MAP3K20: variants seen among roughly 807,000 people sequenced by gnomAD.
The protein encoded by MAP3K20 is mitogen-activated protein kinase kinase kinase 20.
Under a neutral mutation model 85.7 loss-of-function variants are expected in MAP3K20, and 40 were observed. The observed-to-expected ratio is 0.47, with a 90% CI of 0.36 to 0.61. MAP3K20 has a LOEUF of 0.61. Ranked by LOEUF, MAP3K20 falls within the 20% of genes least tolerant of loss-of-function variation. The pLI is 0.00. For synonymous variants in MAP3K20, 325 were observed against 327.7 expected, an observed-to-expected ratio of 0.99 and a Z score of 0.09; for missense variants, 817 against 961.7, an observed-to-expected ratio of 0.85 and a Z score of 1.99.
chr2:173,139,963 G>T (rs192951429), intron 2 of MAP3K20, among the ~76,000 whole-genome samples: 25 of 152,100 alleles, frequency 1.6e-4, no homozygotes, highest in African/African-American at 6.0e-4. Flanking sequence ...AGTATGCAAA[G>T]TAAAAAAGCA....
intron 2 of MAP3K20, among the ~76,000 whole-genome samples, chr2:173,156,536 G>T (rs1689477026): frequency 6.6e-6 from 1 of 152,120 alleles, no homozygotes. Context: ...ATGGTTTCAG[G>T]ATAAAACTGT....
At position 173,090,980 on chromosome 2, in the gene MAP3K20, T is replaced by TTTTC; in HGVS notation, c.-34-8_-34-5dup. ...AATATATTTGTAATTCAGCTTTTCT[T>TTTTC]TTTCTTTCTTTCTGCAGATTTTGTG... On this transcript the variant is annotated splice_polypyrimidine_tract_variant and intron_variant, in intron 1 of 19. Transcript: ENST00000375213. 1 of 1,561,694 alleles carries TTTTC rather than the reference T, an allele frequency of 6.4e-7. No homozygotes were observed. Among genetic ancestry groups the TTTTC allele is most frequent in the Non-Finnish European group, 8.7e-7 (1 of 1,155,798 alleles).
intron 2 of MAP3K20, among the ~76,000 whole-genome samples, chr2:173,155,118 G>C (rs1157287228): frequency 6.6e-6 from 1 of 152,130 alleles, no homozygotes; most frequent in African/African-American, 2.4e-5. Flanking sequence ...TGAGAGAAGA[G>C]GGGGAGGTAA....
Position 173,267,165 on chromosome 2 carries a change from T to G in MAP3K20, c.*415T>G, listed in dbSNP as rs1685444425. 6.5e-6 allele frequency: 1 copy of G among 154,682 alleles called. No homozygotes were observed. The highest frequency in any genetic ancestry group is 2.1e-4 in the South Asian group (1 of 4,870). 9.6% of individuals were successfully genotyped at this position (154,682 alleles called of 1,614,324 possible). On this transcript the variant is annotated 3_prime_UTR_variant, in exon 20 of 20. Transcript: ENST00000375213. Reference sequence around the variant, plus strand: ...TTTTGGCTGAGGCTGCAATATGGCCTGGCAAGGCACTGTTACTGATCTTGT... The same window carrying G: ...TTTTGGCTGAGGCTGCAATATGGCCGGGCAAGGCACTGTTACTGATCTTGT...
At chr2:173,117,769 T>TAA (rs756330278) in intron 2 of MAP3K20, among the ~76,000 whole-genome samples, 37 of 152,364 alleles carry the variant, frequency 2.4e-4, no homozygotes, top group Non-Finnish European at 4.1e-4. Flanking sequence ...AAATTTTTGT[T>TAA]AATCACTTCT....
intron 2 of MAP3K20, among the ~76,000 whole-genome samples, chr2:173,145,757 G>A (rs1689118740): frequency 6.6e-6 from 1 of 151,996 alleles, no homozygotes; most frequent in South Asian, 2.1e-4. Flanking sequence ...TCAACTTATA[G>A]GTGTTTACCC....
chr2:173,134,255 A>AT (rs1436692226), intron 2 of MAP3K20, among the ~76,000 whole-genome samples: 2 of 137,506 alleles, frequency 1.5e-5, no homozygotes, highest in South Asian at 2.3e-4. Flanking sequence ...CCGTGGCGTG[A>AT]TTTTGGCTTA....
chr2:173,135,130 G>GT, intron 2 of MAP3K20, among the ~76,000 whole-genome samples: 1 of 152,244 alleles, frequency 6.6e-6, no homozygotes, highest in African/African-American at 2.4e-5. Flanking sequence ...GGATGGCAAA[G>GT]TTTATCTGGT....
chr2:173,131,265 G>A (rs1249073851), intron 2 of MAP3K20, among the ~76,000 whole-genome samples: 1 of 152,202 alleles, frequency 6.6e-6, no homozygotes, highest in Non-Finnish European at 1.5e-5. Flanking sequence ...AGGAGCTTAA[G>A]TAATATACAC....
At chr2:173,120,369 T>A (rs140276486) in intron 2 of MAP3K20, among the ~76,000 whole-genome samples, 22 of 152,028 alleles carry the variant, frequency 1.4e-4, no homozygotes, top group African/African-American at 5.3e-4. Flanking sequence ...GCACTAGGAG[T>A]CACCCCATGA....
intron 10 of MAP3K20, among the ~76,000 whole-genome samples, chr2:173,213,544 TTC>T (rs1178341816): frequency 6.6e-6 from 1 of 152,228 alleles, no homozygotes; most frequent in East Asian, 1.9e-4. Flanking sequence ...CATTTAGATT[TTC>T]TTTTTTAATC....
chr2:173,206,738 T>C (rs905397940), intron 9 of MAP3K20, among the ~76,000 whole-genome samples: 1 of 152,124 alleles, frequency 6.6e-6, no homozygotes, highest in African/African-American at 2.4e-5. Flanking sequence ...GTAGAGGTAA[T>C]TGTTACATGT....
chr2:173,131,010 A>G (rs190740520), intron 2 of MAP3K20, among the ~76,000 whole-genome samples: 3 of 152,318 alleles, frequency 2.0e-5, no homozygotes, highest in African/African-American at 7.2e-5. Flanking sequence ...CATGCTATTT[A>G]TTAGGGATTG....
chr2:173,076,703 A>C (rs62175801), intron 1 of MAP3K20, among the ~76,000 whole-genome samples: 3,424 of 152,364 alleles, frequency 0.022, 58 homozygotes, highest in Middle Eastern at 0.037. Flanking sequence ...GGGCTTGGGC[A>C]GCATGAAGCG....
At chr2:173,124,572 C>A (rs1688389105) in intron 2 of MAP3K20, among the ~76,000 whole-genome samples, 1 of 152,152 alleles carries the variant, frequency 6.6e-6, no homozygotes, top group Non-Finnish European at 1.5e-5. Context: ...TGGAATTGTT[C>A]CATGAAAAGT....
rs532723981 is a variant in MAP3K20 at position 173,259,249 on chromosome 2, A to G, written c.1476+434A>G. 2.0e-5 allele frequency among the ~76,000 whole-genome samples: 3 copies of G among 152,284 alleles called. No homozygotes were observed. The East Asian group carries it at 5.8e-4, about 29-fold the overall frequency. On this transcript the variant is annotated intron_variant, in intron 17 of 19. Transcript: ENST00000375213. ...AGGTTAATTATGAGGCACACAGTGAAGTCTTAATGGCTTCCTTAAGTTCAC... is the reference window on the plus strand; with the variant it reads ...AGGTTAATTATGAGGCACACAGTGAGGTCTTAATGGCTTCCTTAAGTTCAC...
rs777671943 is a variant in MAP3K20, at chr2:173,263,868, G to A, written c.1675G>A (p.Gly559Ser). ...AIQTLFTNSD[G>S]NPGSRSDSSA... ...TCAGACATTATTCACCAATTCAGAT[G>A]GCAACCCTGGAAGCAGGTCCGACTC... The change falls in exon 19 of 20, where the codon GGC (glycine) becomes AGC (serine). Residue 559 changes from glycine (G) to serine (S), a missense_variant. Physicochemically the swap from Gly to Ser is moderately conservative, Grantham distance 56. Around this residue, in one of 4 missense-constraint regions of MAP3K20, gnomAD observed 454 missense variants for 476.9 expected, o/e 0.95. Coordinates refer to ENST00000375213, the MANE Select transcript of MAP3K20 (RefSeq NM_016653.3). 1.9e-6 allele frequency: 3 copies of A among 1,611,998 alleles called. No homozygotes were observed. The highest frequency in any genetic ancestry group is 1.1e-5 in the South Asian group (1 of 90,472).
At chr2:173,083,843 A>G (rs72905046) in intron 1 of MAP3K20, among the ~76,000 whole-genome samples, 50,738 of 152,154 alleles carry the variant, frequency 0.33, 9,390 homozygotes, top group Non-Finnish European at 0.42. Context: ...TCTTTTCAAA[A>G]AGTATCTTTT....
chr2:173,171,018 A>C (rs1243042262), intron 3 of MAP3K20, among the ~76,000 whole-genome samples: 1 of 152,220 alleles, frequency 6.6e-6, no homozygotes, highest in East Asian at 1.9e-4. Flanking sequence ...GTAGCATTTT[A>C]ACCTAAGTTA....
Sources: gnomAD v4.1 joint callset for allele counts (sites outside exome capture counted in the v4.1 genomes callset) on GRCh38, gnomAD v4.1.1 for gene constraint, gnomAD v4.1.1 regional missense constraint, MANE v1.5 for transcripts, NCBI Gene and HGNC (gene_info 2026-07-23, HGNC 2026-07-21) for gene names.